The following XKR6 variants were observed in gnomAD, a reference collection of about 807,000 sequenced individuals.
The protein encoded by XKR6 is XK-related protein 6.
XKR6 carries 22 observed loss-of-function variants against 56.7 expected under a neutral mutation model. The observed-to-expected ratio is 0.39, with a 90% CI of 0.28 to 0.55. XKR6 has a LOEUF of 0.55. Ranked by LOEUF, XKR6 falls within the 20% of genes least tolerant of loss-of-function variation. XKR6 has a pLI of 0.66. For synonymous variants in XKR6, 524 were observed against 387.8 expected (o/e 1.35, Z -4.13); for missense variants, 852 against 889.0 (o/e 0.96, Z 0.53).
At chr8:10,977,180 C>G (rs1021280355) in intron 1 of XKR6, among the ~76,000 whole-genome samples, 3 of 152,146 alleles carry the variant, frequency 2.0e-5, no homozygotes, top group Admixed American at 6.5e-5. Flanking sequence ...TTGGGGTGCA[C>G]TGCAGAGGTT....
intron 2 of XKR6, among the ~76,000 whole-genome samples, chr8:10,901,422 T>C (rs1003709416): frequency 2.0e-5 from 3 of 152,044 alleles, no homozygotes; most frequent in Admixed American, 6.6e-5. Flanking sequence ...ATCCTCCCAC[T>C]TTGACCTCCC....
At chr8:10,899,042 A>C (rs1449457867) in intron 2 of XKR6, 126 bp from the exon 3 acceptor site, 7 of 1,414,984 alleles carry the variant, frequency 4.9e-6, no homozygotes, top group Non-Finnish European at 6.6e-6. Context: ...AAAGAAACAC[A>C]GAATCAGGAA....
chr8:10,983,324 C>T (rs141225385), intron 1 of XKR6, among the ~76,000 whole-genome samples: 66 of 152,150 alleles, frequency 4.3e-4, no homozygotes, highest in African/African-American at 1.3e-3. Flanking sequence ...AATTAAGAAA[C>T]AGTGATCGGG....
chr8:11,005,361 G>GATATATATATATATATATATATATAT (rs1050511719), intron 1 of XKR6, among the ~76,000 whole-genome samples: 2 of 148,782 alleles, frequency 1.3e-5, no homozygotes, highest in African/African-American at 5.2e-5. Flanking sequence ...GACTGTAGTA[G>GATATATATATATATATATATATATAT]ATATAGATAT....
intron 1 of XKR6, among the ~76,000 whole-genome samples, chr8:11,009,698 T>C (rs1798457253): frequency 6.6e-6 from 1 of 152,186 alleles, no homozygotes; most frequent in Non-Finnish European, 1.5e-5. Context: ...TAGAGGAGTC[T>C]GTGGAGACAT....
At chr8:10,910,595 C>A (rs181001307) in intron 2 of XKR6, among the ~76,000 whole-genome samples, 1 of 152,208 alleles carries the variant, frequency 6.6e-6, no homozygotes, top group Non-Finnish European at 1.5e-5. Context: ...GGACCCTGGG[C>A]TCTTCTGAGC....
At chr8:11,194,864 T>C (rs1563211194) in intron 1 of XKR6, 2 of 455,408 alleles carry the variant, frequency 4.4e-6, no homozygotes, top group South Asian at 3.1e-5. Flanking sequence ...AATACAGATT[T>C]TGACACTTTG....
chr8:11,074,933 G>A (rs1249384508), intron 1 of XKR6, among the ~76,000 whole-genome samples: 1 of 152,182 alleles, frequency 6.6e-6, no homozygotes, highest in Non-Finnish European at 1.5e-5. Flanking sequence ...GCTGCTCTAG[G>A]GCAGTGGAAA....
intron 1 of XKR6, among the ~76,000 whole-genome samples, chr8:11,042,970 G>C (rs1421944457): frequency 6.6e-6 from 1 of 152,042 alleles, no homozygotes; most frequent in African/African-American, 2.4e-5. Context: ...AGATTGGCCA[G>C]CCCCACGAGC....
At chr8:10,966,943 C>G (rs1802244002) in intron 1 of XKR6, among the ~76,000 whole-genome samples, 1 of 152,086 alleles carries the variant, frequency 6.6e-6, no homozygotes, top group East Asian at 1.9e-4. Context: ...TTCAATCTCC[C>G]CAGGCAATTA....
intron 1 of XKR6, among the ~76,000 whole-genome samples, chr8:11,063,537 C>G (rs563239042): frequency 2.7e-5 from 4 of 150,620 alleles, no homozygotes; most frequent in Middle Eastern, 3.5e-3. Context: ...AAAAAAAGTC[C>G]TATTACGCTA....
At chr8:11,013,294 T>C (rs1798541948) in intron 1 of XKR6, among the ~76,000 whole-genome samples, 1 of 152,060 alleles carries the variant, frequency 6.6e-6, no homozygotes, top group African/African-American at 2.4e-5. Context: ...CACCATGTGG[T>C]TTTCTAAAGG....
At chr8:11,008,010 C>T (rs984847240) in intron 1 of XKR6, among the ~76,000 whole-genome samples, 1 of 152,126 alleles carries the variant, frequency 6.6e-6, no homozygotes, top group African/African-American at 2.4e-5. Context: ...GGAGAGAAGA[C>T]AGGGAAGCAG....
intron 1 of XKR6, among the ~76,000 whole-genome samples, chr8:11,033,241 GTGACAGTGGAGATGCTAA>G (rs931516056): frequency 2.6e-5 from 4 of 151,168 alleles, no homozygotes; most frequent in African/African-American, 9.8e-5. Context: ...GATGGTGGTG[GTGACAGTGGAGATGCTAA>G]TGATGATGAT....
intron 1 of XKR6, among the ~76,000 whole-genome samples, chr8:11,159,762 G>T (rs146821237): frequency 2.0e-5 from 3 of 152,066 alleles, no homozygotes; most frequent in African/African-American, 7.2e-5. Context: ...TTAGAAATGG[G>T]GTATACAACA....
chr8:11,134,939 T>G (rs1800305127), intron 1 of XKR6, among the ~76,000 whole-genome samples: 1 of 152,140 alleles, frequency 6.6e-6, no homozygotes, highest in South Asian at 2.1e-4. Flanking sequence ...ATATTTCCAT[T>G]ATACTCTGCT....
intron 1 of XKR6, among the ~76,000 whole-genome samples, chr8:10,997,803 A>C (rs1156707830): frequency 1.3e-5 from 2 of 152,066 alleles, no homozygotes; most frequent in Non-Finnish European, 2.9e-5. Context: ...CCTCCCAGAG[A>C]CTCCACGTTC....
At chr8:11,130,040 T>A (rs939216280) in intron 1 of XKR6, among the ~76,000 whole-genome samples, 1 of 152,114 alleles carries the variant, frequency 6.6e-6, no homozygotes, top group Non-Finnish European at 1.5e-5. Flanking sequence ...GCGCTGAAAT[T>A]AATTCTCCAA....
intron 1 of XKR6, among the ~76,000 whole-genome samples, chr8:11,064,098 C>T (rs1248327907): frequency 2.0e-5 from 3 of 152,142 alleles, no homozygotes; most frequent in Non-Finnish European, 4.4e-5. Flanking sequence ...ATCACTTCCT[C>T]GTGTTGCTTT....
Sources: gnomAD v4.1 joint callset for allele counts (sites outside exome capture counted in the v4.1 genomes callset) on GRCh38, gnomAD v4.1.1 for gene constraint, MANE v1.5 for transcripts, NCBI Gene and HGNC (gene_info 2026-07-23, HGNC 2026-07-21) for gene names.